The following EPHA6 variants were observed in gnomAD, a reference collection of about 807,000 sequenced individuals.
The protein encoded by EPHA6 is ephrin type-A receptor 6.
EPHA6 carries 50 observed loss-of-function variants against 112.0 expected under a neutral mutation model. That is an observed-to-expected ratio of 0.45 (90% CI 0.36 to 0.56). The LOEUF is 0.56. EPHA6 is among the 20% of genes least tolerant of loss of function. EPHA6 has a pLI of 0.00. For synonymous variants in EPHA6, 529 were observed against 490.7 expected (o/e 1.08, Z -1.03); for missense variants, 1,280 against 1,417.4 (o/e 0.90, Z 1.56).
chr3:97,019,553 T>A (rs1285481781), intron 3 of EPHA6, among the ~76,000 whole-genome samples: 2 of 152,180 alleles, frequency 1.3e-5, no homozygotes, highest in African/African-American at 2.4e-5. Flanking sequence ...TCTCACTGTG[T>A]TGTAGCCTGG....
chr3:97,530,531 T>G (rs1343109711), intron 10 of EPHA6, among the ~76,000 whole-genome samples: 1 of 151,602 alleles, frequency 6.6e-6, no homozygotes, highest in Non-Finnish European at 1.5e-5. Context: ...ACTGAAAAAC[T>G]ACAACTTCTT....
intron 3 of EPHA6, among the ~76,000 whole-genome samples, chr3:96,996,201 G>A (rs1281002844): frequency 6.6e-6 from 1 of 152,064 alleles, no homozygotes; most frequent in Non-Finnish European, 1.5e-5. Context: ...TCATGACATT[G>A]CAGCAATTCA....
chr3:97,132,292 C>T lies in EPHA6; in HGVS notation c.1115-93972C>T, dbSNP rs151014983. On this transcript the variant is annotated intron_variant, in intron 3 of 17. Transcript: ENST00000389672. ...CAAGGTCTTGTAGACACATACCGTA[C>T]TTTCCAAGAGAGGCGCTCAGGGTTG... is the stretch of plus-strand genomic sequence containing the variant. Among the ~76,000 whole-genome samples, 653 of 152,174 alleles carry T rather than the reference C, an allele frequency of 4.3e-3. 2 individuals carry two copies. Among genetic ancestry groups the T allele is most frequent in the African/African-American group, 0.015 (614 of 41,558 alleles).
chr3:97,639,726 C>T (rs927772943), intron 14 of EPHA6, among the ~76,000 whole-genome samples: 99 of 152,214 alleles, frequency 6.5e-4, no homozygotes, highest in African/African-American at 2.2e-3. Flanking sequence ...TCAAATTTAA[C>T]AACCAGACTC....
chr3:96,986,356 G>A (rs1305003001), intron 2 of EPHA6, among the ~76,000 whole-genome samples: 1 of 152,110 alleles, frequency 6.6e-6, no homozygotes, highest in East Asian at 1.9e-4. Flanking sequence ...GGCTTAAAAT[G>A]CTTAATAAAG....
chr3:96,982,642 G>A (rs1049314907), intron 2 of EPHA6, among the ~76,000 whole-genome samples: 1 of 152,118 alleles, frequency 6.6e-6, no homozygotes, highest in African/African-American at 2.4e-5. Flanking sequence ...TCTGTCTAAT[G>A]TTGACAGTGG....
chr3:97,685,875 CAAAT>C, intron 14 of EPHA6, among the ~76,000 whole-genome samples: 1 of 152,186 alleles, frequency 6.6e-6, no homozygotes, highest in East Asian at 1.9e-4. Flanking sequence ...TAATCAAATG[CAAAT>C]CTAAGATTCA....
At chr3:97,391,201 C>G (rs549409200) in intron 5 of EPHA6, among the ~76,000 whole-genome samples, 5 of 151,900 alleles carry the variant, frequency 3.3e-5, no homozygotes, top group African/African-American at 1.2e-4. Flanking sequence ...ATCAATTGGA[C>G]TGTGCTTATA....
At chr3:96,825,887 A>G (rs982317904) in intron 1 of EPHA6, among the ~76,000 whole-genome samples, 2 of 151,792 alleles carry the variant, frequency 1.3e-5, no homozygotes, top group Admixed American at 1.3e-4. Context: ...GAAAAAATTA[A>G]TTATAATAAT....
At chr3:96,916,582 A>G (rs909214832) in intron 2 of EPHA6, among the ~76,000 whole-genome samples, 4 of 152,100 alleles carry the variant, frequency 2.6e-5, no homozygotes, top group African/African-American at 9.7e-5. Flanking sequence ...AGACTCATAG[A>G]AAAAAACAAG....
At chr3:97,411,501 A>G (rs2107122975) in intron 6 of EPHA6, among the ~76,000 whole-genome samples, 1 of 152,220 alleles carries the variant, frequency 6.6e-6, no homozygotes, top group East Asian at 1.9e-4. Context: ...TTTGGTTTGA[A>G]GAATGTATTT....
intron 5 of EPHA6, among the ~76,000 whole-genome samples, chr3:97,324,727 A>G (rs1298244608): frequency 5.3e-5 from 8 of 151,876 alleles, no homozygotes; most frequent in African/African-American, 1.5e-4. Flanking sequence ...TTTAGTAGAG[A>G]TGGGGTTTCA....
At chr3:97,249,710 G>A (rs530082800) in intron 5 of EPHA6, among the ~76,000 whole-genome samples, 18 of 152,264 alleles carry the variant, frequency 1.2e-4, no homozygotes, top group African/African-American at 3.6e-4. Flanking sequence ...CATGAATGAT[G>A]TGTTATTGAC....
intron 5 of EPHA6, among the ~76,000 whole-genome samples, chr3:97,272,519 A>G (rs572662199): frequency 6.6e-4 from 101 of 152,258 alleles, no homozygotes; most frequent in South Asian, 4.4e-3. Context: ...CAACAAGGCT[A>G]TTTATTTCAC....
At chr3:97,662,446 T>C (rs560678180) in intron 14 of EPHA6, among the ~76,000 whole-genome samples, 17 of 152,246 alleles carry the variant, frequency 1.1e-4, no homozygotes, top group South Asian at 2.1e-4. Context: ...CCCTGTCCCA[T>C]ACTGCAGTAA....
rs1218032543 is a variant in EPHA6 at position 97,761,410 on chromosome 3, C to T, written c.*12709C>T. On this transcript the variant is annotated 3_prime_UTR_variant, in exon 18 of 18. Coordinates refer to ENST00000389672, the MANE Select transcript of EPHA6 (RefSeq NM_001080448.3). ...AGATTTTTGTACAAGGTACAAATTA[C>T]TAATTATTGTATTTTATTTTTCTAT... 5.5e-6 allele frequency: 1 copy of T among 181,832 alleles called. No homozygotes were observed. Among genetic ancestry groups the T allele is most frequent in the Non-Finnish European group, 1.2e-5 (1 of 85,264 alleles). The allele number at this position is 181,832 out of a possible 1,614,324, so 11.3% of individuals were successfully genotyped here.
At chr3:97,201,289 C>T (rs558414669) in intron 3 of EPHA6, among the ~76,000 whole-genome samples, 12 of 152,206 alleles carry the variant, frequency 7.9e-5, no homozygotes, top group Non-Finnish European at 1.3e-4. Context: ...CTAAACACAT[C>T]TATAAAAATG....
At chr3:97,263,591 C>T (rs2079571955) in intron 5 of EPHA6, among the ~76,000 whole-genome samples, 1 of 151,352 alleles carries the variant, frequency 6.6e-6, no homozygotes, top group Non-Finnish European at 1.5e-5. Flanking sequence ...GAATTAGTTT[C>T]AATAAAGAAT....
At chr3:97,427,587 T>C (rs974197114) in intron 6 of EPHA6, among the ~76,000 whole-genome samples, 1 of 150,824 alleles carries the variant, frequency 6.6e-6, no homozygotes, top group African/African-American at 2.4e-5. Context: ...GACTAATGGG[T>C]ACTAGGCTTA....
Sources: gnomAD v4.1 joint callset for allele counts (sites outside exome capture counted in the v4.1 genomes callset) on GRCh38, gnomAD v4.1.1 for gene constraint, MANE v1.5 for transcripts, NCBI Gene and HGNC (gene_info 2026-07-23, HGNC 2026-07-21) for gene names.